GLIS3: variants seen among roughly 807,000 people sequenced by gnomAD.
The protein encoded by GLIS3 is GLIS family zinc finger 3.
GLIS3 carries 53 observed loss-of-function variants against 78.6 expected under a neutral mutation model. The observed-to-expected ratio is 0.67, with a 90% CI of 0.54 to 0.85. GLIS3 has a LOEUF of 0.85. Among genes scored for constraint, GLIS3 ranks in the 40% least tolerant of loss-of-function variants. The probability of loss-of-function intolerance (pLI) is 0.00; values close to 1 mark genes in which losing one functional copy is unlikely to be tolerated. For synonymous variants in GLIS3, 684 were observed against 509.9 expected (o/e 1.34, Z -4.60); for missense variants, 1,703 against 1,231.1 (o/e 1.38, Z -5.74).
chr9:4,358,881 G>A, the GLIS3 span, among the ~76,000 whole-genome samples: 1 of 152,106 alleles, frequency 6.6e-6, no homozygotes, highest in South Asian at 2.1e-4. Context: ...AGTCAGTGTG[G>A]GCTACCACTG....
intron 2 of GLIS3, among the ~76,000 whole-genome samples, chr9:4,174,680 A>G (rs1816667478): frequency 6.6e-6 from 1 of 152,216 alleles, no homozygotes; most frequent in Admixed American, 6.5e-5. Context: ...TTTTTAATTA[A>G]TTGTTCCTTT....
rs1287584513 is a variant in GLIS3, at chr9:3,825,783, C to T, written c.*2489G>A. 6.6e-6 allele frequency: 1 copy of T among 152,218 alleles called. No individual in the cohort carries two copies. The highest frequency in any genetic ancestry group is 2.4e-5 in the African/African-American group (1 of 41,452). The allele number at this position is 152,218 out of a possible 1,614,324, so 9.4% of individuals were successfully genotyped here. Reference sequence around the variant, plus strand: ...CTATCCTGAGGCTGCAATCTCAAGCCTGCAGCTATCAGGAAAGACCCACGG... The same window carrying T: ...CTATCCTGAGGCTGCAATCTCAAGCTTGCAGCTATCAGGAAAGACCCACGG... On this transcript the variant is annotated 3_prime_UTR_variant, in exon 11 of 11. Coordinates refer to ENST00000381971, the MANE Select transcript of GLIS3 (RefSeq NM_001042413.2).
At chr9:4,351,048 G>A (rs1817964603), upstream of GLIS3, among the ~76,000 whole-genome samples, 1 of 152,076 alleles carries the variant, frequency 6.6e-6, no homozygotes, top group Admixed American at 6.6e-5. Context: ...GCTGGGCCCT[G>A]GGCTTCACTT....
At chr9:4,258,009 C>A (rs1410099536) in intron 2 of GLIS3, among the ~76,000 whole-genome samples, 1 of 152,030 alleles carries the variant, frequency 6.6e-6, no homozygotes, top group East Asian at 1.9e-4. Context: ...ATAAAAAACA[C>A]ACAATTCAAA....
At chr9:3,893,376 T>G (rs1822591699) in intron 7 of GLIS3, among the ~76,000 whole-genome samples, 3 of 152,178 alleles carry the variant, frequency 2.0e-5, no homozygotes, top group African/African-American at 7.2e-5. Context: ...TGCAAACATC[T>G]AAAGGCATTA....
chr9:4,279,335 ACAC>A (rs1827331357), intron 2 of GLIS3, among the ~76,000 whole-genome samples: 3 of 112,042 alleles, frequency 2.7e-5, no homozygotes, highest in Non-Finnish European at 3.8e-5. Flanking sequence ...ACACACACAC[ACAC>A]ACACACACAC....
chr9:3,979,261 C>T (rs1245939377), intron 4 of GLIS3, among the ~76,000 whole-genome samples: 3 of 152,182 alleles, frequency 2.0e-5, no homozygotes, highest in African/African-American at 7.2e-5. Flanking sequence ...CAATGCTATT[C>T]ATCACTCCCC....
chr9:4,270,106 A>T (rs566656615), intron 2 of GLIS3, among the ~76,000 whole-genome samples: 1 of 152,318 alleles, frequency 6.6e-6, no homozygotes, highest in Admixed American at 6.5e-5. Context: ...GAACAATTTC[A>T]CTTCTCTGAA....
the GLIS3 span, among the ~76,000 whole-genome samples, chr9:4,476,771 G>C: frequency 1.3e-5 from 2 of 151,886 alleles, no homozygotes; most frequent in African/African-American, 4.8e-5. Flanking sequence ...TAAGAACCAA[G>C]ATTTTCAAGG....
chr9:4,278,481 T>G (rs537598497), intron 2 of GLIS3, among the ~76,000 whole-genome samples: 1 of 152,236 alleles, frequency 6.6e-6, no homozygotes, highest in South Asian at 2.1e-4. Context: ...TGGTCAAATT[T>G]GGGACAGTTT....
chr9:4,441,967 G>T, the GLIS3 span, among the ~76,000 whole-genome samples: 14 of 152,150 alleles, frequency 9.2e-5, no homozygotes, highest in South Asian at 4.1e-4. Context: ...TGGCTTTAGA[G>T]AAAGAGTAAG....
intron 2 of GLIS3, among the ~76,000 whole-genome samples, chr9:4,263,485 C>G (rs1259708095): frequency 6.8e-6 from 1 of 147,294 alleles, no homozygotes; most frequent in East Asian, 2.0e-4. Context: ...AAAATAAAGT[C>G]TAAGACAAGC....
chr9:4,484,455 G>A, the GLIS3 span, among the ~76,000 whole-genome samples: 1 of 121,166 alleles, frequency 8.3e-6, no homozygotes, highest in Non-Finnish European at 1.6e-5. Flanking sequence ...GTCTTGCTCT[G>A]CTGCCTAGGC....
In GLIS3 at chr9:4,193,025, A is replaced by T. The variant is rs189090975; in HGVS notation, c.389-67084T>A. ...ACCTGTGATCATGAGGGAATCAATAAGCCATTTTAAGTAAGGTAAGCCTTA... is the reference window on the plus strand; with the variant it reads ...ACCTGTGATCATGAGGGAATCAATATGCCATTTTAAGTAAGGTAAGCCTTA... On this transcript the variant is annotated intron_variant, in intron 2 of 10. Coordinates refer to ENST00000381971, the MANE Select transcript of GLIS3 (RefSeq NM_001042413.2). 2.9e-3 allele frequency among the ~76,000 whole-genome samples: 439 copies of T among 152,342 alleles called. 2 individuals carry two copies. Among genetic ancestry groups the T allele is most frequent in the South Asian group, 8.9e-3 (43 of 4,830 alleles).
At chr9:4,296,540 C>G (rs915017539) in intron 1 of GLIS3, among the ~76,000 whole-genome samples, 1 of 152,122 alleles carries the variant, frequency 6.6e-6, no homozygotes, top group African/African-American at 2.4e-5. Context: ...TCCAAGCAAA[C>G]CAACAAACCC....
chr9:4,291,283 T>G (rs562140717), intron 1 of GLIS3, among the ~76,000 whole-genome samples: 2 of 152,090 alleles, frequency 1.3e-5, no homozygotes, highest in Non-Finnish European at 2.9e-5. Flanking sequence ...GACAAATTAG[T>G]GTCCTCTGCA....
chr9:4,125,788 C>G lies in GLIS3; in HGVS notation c.542G>C (p.Ser181Thr). 6.2e-7 allele frequency: 1 copy of G among 1,614,108 alleles called. No individual in the cohort carries two copies. The highest frequency in any genetic ancestry group is 8.5e-7 in the Non-Finnish European group (1 of 1,180,002). The change falls in exon 3 of 11, where the codon AGC (serine) becomes ACC (threonine). Residue 181 changes from serine to threonine, a missense_variant. Transcript: ENST00000381971. ...GGCTGCATTCATTGCCCTCTGTAAG[C>G]TAGGACTGATCTGGTTGCATGCTGT... ...VSTACNQISP[S>T]LQRAMNAANL...
chr9:3,879,628 G>T (rs762118608), intron 7 of GLIS3, 33 bp from the exon 8 acceptor site: 38 of 1,612,290 alleles, frequency 2.4e-5, no homozygotes, highest in Non-Finnish European at 3.1e-5. Flanking sequence ...ATGAGACCGT[G>T]CCCCAAAGGA....
the GLIS3 span, among the ~76,000 whole-genome samples, chr9:4,458,233 A>C: frequency 6.6e-6 from 1 of 152,054 alleles, no homozygotes; most frequent in Non-Finnish European, 1.5e-5. Context: ...GGTTAAATTA[A>C]TTTATTCACT....
Sources: gnomAD v4.1 joint callset for allele counts (sites outside exome capture counted in the v4.1 genomes callset) on GRCh38, gnomAD v4.1.1 for gene constraint, MANE v1.5 for transcripts, NCBI Gene and HGNC (gene_info 2026-07-23, HGNC 2026-07-21) for gene names.